GRAMD1B: variants seen among roughly 807,000 people sequenced by gnomAD.
The protein encoded by GRAMD1B is GRAM domain containing 1B.
In GRAMD1B, 37 loss-of-function variants were observed where a neutral mutation model predicts 99.7. The ratio of observed to expected loss-of-function variants is 0.37; its 90% CI spans 0.29 to 0.49. The LOEUF is 0.49. GRAMD1B is among the 20% of genes least tolerant of loss of function. The probability of loss-of-function intolerance (pLI) is 0.98; values close to 1 mark genes in which losing one functional copy is unlikely to be tolerated. For synonymous variants in GRAMD1B, 427 were observed against 387.6 expected (o/e 1.10, Z -1.19); for missense variants, 888 against 1,009.2 (o/e 0.88, Z 1.63).
intron 2 of GRAMD1B, among the ~76,000 whole-genome samples, chr11:123,556,080 G>A (rs1002792641): frequency 1.3e-5 from 2 of 152,214 alleles, no homozygotes; most frequent in African/African-American, 4.8e-5. Flanking sequence ...GCACCCCTGT[G>A]CCTGCAATGG....
intron 16 of GRAMD1B, among the ~76,000 whole-genome samples, chr11:123,614,541 G>A (rs1281997757): frequency 6.6e-6 from 1 of 152,174 alleles, no homozygotes; most frequent in African/African-American, 2.4e-5. Flanking sequence ...GTTCAATGAT[G>A]ACCTGACCCA....
chr11:123,585,204 T>C (rs1949945502), intron 4 of GRAMD1B, among the ~76,000 whole-genome samples: 1 of 152,144 alleles, frequency 6.6e-6, no homozygotes, highest in Non-Finnish European at 1.5e-5. Flanking sequence ...CAGCAGGAGA[T>C]ATGGGCATGG....
At chr11:123,406,538 C>G (rs1229736616) in intron 1 of GRAMD1B, among the ~76,000 whole-genome samples, 1 of 152,138 alleles carries the variant, frequency 6.6e-6, no homozygotes, top group Non-Finnish European at 1.5e-5. Flanking sequence ...AGGTGTGAGC[C>G]ACTCTGCCGG....
At chr11:123,397,396 G>T (rs1396799618) in intron 1 of GRAMD1B, among the ~76,000 whole-genome samples, 1 of 145,506 alleles carries the variant, frequency 6.9e-6, no homozygotes, top group Non-Finnish European at 1.5e-5. Context: ...GACAGAGCGA[G>T]ACTCTGTCTC....
At chr11:123,605,250 C>T (rs1952556329) in intron 9 of GRAMD1B, 72 bp from the exon 10 acceptor site, 4 of 1,104,866 alleles carry the variant, frequency 3.6e-6, no homozygotes, top group Admixed American at 2.6e-5. Flanking sequence ...ATAGAAAGGT[C>T]TGAGATTCTT....
intron 14 of GRAMD1B, among the ~76,000 whole-genome samples, chr11:123,612,377 ACTTT>A (rs1736879382): frequency 6.6e-6 from 1 of 152,198 alleles, no homozygotes; most frequent in African/African-American, 2.4e-5. Context: ...GAGCCGTCTT[ACTTT>A]CTTTCAGTGT....
At chr11:123,469,112 T>A (rs1317530340) in intron 1 of GRAMD1B, among the ~76,000 whole-genome samples, 2 of 151,648 alleles carry the variant, frequency 1.3e-5, no homozygotes, top group African/African-American at 4.8e-5. Flanking sequence ...AAAGGCAAAT[T>A]AAAAGGCAGA....
At chr11:123,615,426 C>T (rs1221763047) in intron 17 of GRAMD1B, among the ~76,000 whole-genome samples, 1 of 152,212 alleles carries the variant, frequency 6.6e-6, no homozygotes, top group East Asian at 1.9e-4. Context: ...GTGGCTCACG[C>T]CTGTAATCCC....
At chr11:123,570,379 C>T (rs1947927084) in intron 2 of GRAMD1B, among the ~76,000 whole-genome samples, 1 of 150,980 alleles carries the variant, frequency 6.6e-6, no homozygotes, top group Non-Finnish European at 1.5e-5. Context: ...ATTTACTCCA[C>T]ATTTTACAGA....
At chr11:123,468,562 G>A (rs1305506835) in intron 1 of GRAMD1B, among the ~76,000 whole-genome samples, 3 of 152,150 alleles carry the variant, frequency 2.0e-5, no homozygotes, top group African/African-American at 4.8e-5. Flanking sequence ...GGGAGGCTGA[G>A]GCAGGTGGAT....
At chr11:123,558,576 G>A (rs1792672112) in intron 2 of GRAMD1B, among the ~76,000 whole-genome samples, 1 of 152,160 alleles carries the variant, frequency 6.6e-6, no homozygotes, top group African/African-American at 2.4e-5. Context: ...AGAGTACGTG[G>A]GTGACCAACA....
chr11:123,610,346 G>T lies in GRAMD1B; in HGVS notation c.1919+8G>T. ...GAACAAGAGCCGACTCAGGTGTGGT[G>T]TGTGGAAGTCCCAGTGCGGTCAGAC... On this transcript the variant is annotated splice_region_variant and intron_variant, in intron 14 of 19. Transcript: ENST00000635736. This position sits in a 1 kb window ranked among gnomAD's most constrained non-coding sequence, Gnocchi z 4.1. 6.2e-7 allele frequency: 1 copy of T among 1,613,826 alleles called. No individual in the cohort carries two copies. The highest frequency in any genetic ancestry group is 1.1e-5 in the South Asian group (1 of 91,076).
intron 2 of GRAMD1B, among the ~76,000 whole-genome samples, chr11:123,539,100 C>T (rs888389239): frequency 6.6e-6 from 1 of 152,126 alleles, no homozygotes; most frequent in African/African-American, 2.4e-5. Flanking sequence ...TGGCTCACAC[C>T]TGTAATCCCA....
chr11:123,360,768 T>TTTCCTTCCTTCCTTCCTTCC (rs35477196), intron 1 of GRAMD1B, among the ~76,000 whole-genome samples: 33 of 70,298 alleles, frequency 4.7e-4, no homozygotes, highest in East Asian at 7.4e-4. Context: ...TCCTTCCTTC[T>TTTCCTTCCTTCCTTCCTTCC]TTCCTTCCTT....
At chr11:123,436,982 C>G (rs1485783572) in intron 1 of GRAMD1B, among the ~76,000 whole-genome samples, 1 of 152,144 alleles carries the variant, frequency 6.6e-6, no homozygotes, top group African/African-American at 2.4e-5. Flanking sequence ...CAATTCCCAC[C>G]TATGAGTGAG....
At chr11:123,584,392 T>TG in intron 4 of GRAMD1B, 60 bp downstream of exon 4, 14 of 976,874 alleles carry the variant, frequency 1.4e-5, no homozygotes, top group South Asian at 2.9e-5. Flanking sequence ...GGAATGGAGG[T>TG]TGGGGGAAGG....
chr11:123,608,341 T>G (rs1423325833), intron 11 of GRAMD1B: 1 of 669,098 alleles, frequency 1.5e-6, no homozygotes, highest in African/African-American at 1.8e-5. Flanking sequence ...AGTCATTTAT[T>G]TGAATTTTAG....
At position 123,583,730 on chromosome 11, in the gene GRAMD1B, GT is replaced by G. The variant is rs578204372; in HGVS notation, c.664-581del. Among the ~76,000 whole-genome samples, 1,292 of 152,174 alleles carry G rather than the reference GT, an allele frequency of 8.5e-3. 8 individuals carry two copies. Among genetic ancestry groups the G allele is most frequent in the Middle Eastern group, 0.031 (9 of 294 alleles). ...GTTGGAATGGACCCTTAGTGATTAT[GT>G]GCTTCAACCTCCTGCCCCACGCAGA... On this transcript the variant is annotated intron_variant, in intron 3 of 19. Transcript: ENST00000635736.
At chr11:123,497,625 A>G (rs2953196) in intron 2 of GRAMD1B, among the ~76,000 whole-genome samples, 122,078 of 152,180 alleles carry the variant, frequency 0.8, 49,673 homozygotes, top group African/African-American at 0.95. Flanking sequence ...GCTGGCAGCC[A>G]GGTGCTGTGG....
Sources: allele counts gnomAD v4.1 joint callset (sites outside exome capture counted in the v4.1 genomes callset), GRCh38; gene constraint gnomAD v4.1.1; non-coding constraint Gnocchi (gnomAD v3.1); transcripts MANE v1.5; gene names NCBI Gene and HGNC (gene_info 2026-07-23, HGNC 2026-07-21).